Variants in MCF2L2 observed in about 807,000 individuals in gnomAD.
MCF2L2 encodes the protein probable guanine nucleotide exchange factor MCF2L2.
A neutral mutation model predicts 150.2 loss-of-function variants in MCF2L2; 102 were observed. The ratio of observed to expected loss-of-function variants is 0.68; its 90% CI spans 0.58 to 0.80. MCF2L2 has a LOEUF of 0.80. MCF2L2 is among the 30% of genes least tolerant of loss of function. The pLI is 0.00. For missense variants in MCF2L2, 1,256 were observed against 1,372.8 expected (o/e 0.91, Z 1.34); for synonymous variants, 465 against 491.3 (o/e 0.95, Z 0.71).
chr3:183,380,069 G>A (rs1713427584), intron 2 of MCF2L2, among the ~76,000 whole-genome samples: 1 of 152,066 alleles, frequency 6.6e-6, no homozygotes, highest in Non-Finnish European at 1.5e-5. Flanking sequence ...TTACAAGGAA[G>A]CAATAATCAG....
chr3:183,278,939 C>T (rs1727321000), intron 14 of MCF2L2, among the ~76,000 whole-genome samples: 1 of 152,130 alleles, frequency 6.6e-6, no homozygotes. Flanking sequence ...TGTCAGATGG[C>T]TGGTGTGGAG....
chr3:183,221,528 G>A (rs564881739), intron 20 of MCF2L2, among the ~76,000 whole-genome samples: 6 of 152,232 alleles, frequency 3.9e-5, no homozygotes, highest in Admixed American at 1.3e-4. Context: ...AGCCCTCTGC[G>A]TCTGGTACCG....
intron 15 of MCF2L2, among the ~76,000 whole-genome samples, chr3:183,238,399 A>T (rs1723839049): frequency 6.6e-6 from 1 of 151,866 alleles, no homozygotes; most frequent in South Asian, 2.1e-4. Context: ...GGTTCAAGCA[A>T]TTCCCCTGCC....
chr3:183,211,150 G>A (rs532600791), intron 22 of MCF2L2, among the ~76,000 whole-genome samples: 3 of 152,280 alleles, frequency 2.0e-5, no homozygotes, highest in African/African-American at 7.2e-5. Flanking sequence ...GGTAAGAGGG[G>A]GGGCGAGCAG....
At chr3:183,360,103 C>T (rs1455418229) in intron 3 of MCF2L2, among the ~76,000 whole-genome samples, 1 of 152,086 alleles carries the variant, frequency 6.6e-6, no homozygotes, top group Non-Finnish European at 1.5e-5. Context: ...GAAAAACGTG[C>T]CTAGAAGACA....
chr3:183,425,434 C>G (rs1423218777), intron 1 of MCF2L2, among the ~76,000 whole-genome samples: 2 of 150,292 alleles, frequency 1.3e-5, no homozygotes. Flanking sequence ...AAGCACCTCT[C>G]AAACCTTCCC....
At chr3:183,201,263 G>A (rs1287351903) in intron 25 of MCF2L2, among the ~76,000 whole-genome samples, 8 of 152,196 alleles carry the variant, frequency 5.3e-5, no homozygotes, top group African/African-American at 1.9e-4. Flanking sequence ...CATGAGCATG[G>A]AATGTTCTTC....
At chr3:183,222,299 C>T (rs1723176414) in intron 20 of MCF2L2, among the ~76,000 whole-genome samples, 1 of 152,152 alleles carries the variant, frequency 6.6e-6, no homozygotes, top group African/African-American at 2.4e-5. Context: ...ATACTGTAAT[C>T]CCAGCACTTT....
chr3:183,256,223 G>T (rs891973324), intron 15 of MCF2L2, among the ~76,000 whole-genome samples: 1 of 152,124 alleles, frequency 6.6e-6, no homozygotes, highest in South Asian at 2.1e-4. Flanking sequence ...GGAATTCATT[G>T]TATCTGTGTT....
At chr3:183,309,567 C>G in intron 10 of MCF2L2, 149 bp downstream of exon 10, 1 of 909,836 alleles carries the variant, frequency 1.1e-6, no homozygotes, top group Non-Finnish European at 1.7e-6. Context: ...TGTTAATGTG[C>G]CTCTCTCCTT....
intron 1 of MCF2L2, among the ~76,000 whole-genome samples, chr3:183,406,303 A>G (rs948329733): frequency 2.0e-5 from 3 of 152,182 alleles, no homozygotes; most frequent in Admixed American, 6.5e-5. Context: ...TTCACTGATG[A>G]CTACTGATAT....
At chr3:183,356,976 A>G (rs186370760) in intron 3 of MCF2L2, among the ~76,000 whole-genome samples, 68 of 152,378 alleles carry the variant, frequency 4.5e-4, no homozygotes, top group African/African-American at 1.6e-3. Flanking sequence ...ATGATGCTAG[A>G]ACCTAAAAAT....
In MCF2L2 at chr3:183,341,597, A is replaced by G; in HGVS notation, c.309T>C (p.Val103=). The G allele has an allele frequency of 6.2e-7, 1 of 1,614,166 alleles. No individual in the cohort carries two copies. The highest frequency in any genetic ancestry group is 1.7e-5 in the Admixed American group (1 of 60,028). ...TCCACTTGTCTCTTCGTCTGTCGAT[A>G]ACAACAATGAATCCAATGCTGGCAG... The part of the protein sequence containing the change: ...VEAASIGFIV[V]IDRRRDKWSS... The change falls in exon 4 of 30, where the codon GTT becomes GTC. Residue 103 remains valine, a synonymous_variant. Transcript: ENST00000328913.
intron 22 of MCF2L2, among the ~76,000 whole-genome samples, chr3:183,214,845 A>T (rs75199177): frequency 6.6e-6 from 1 of 151,402 alleles, no homozygotes; most frequent in Admixed American, 6.6e-5. Flanking sequence ...AAAAAAAAAA[A>T]TTAGCAAGGT....
chr3:183,241,611 C>G (rs1184254453), intron 15 of MCF2L2, among the ~76,000 whole-genome samples: 1 of 152,224 alleles, frequency 6.6e-6, no homozygotes, highest in African/African-American at 2.4e-5. Flanking sequence ...GCCTCCCCAG[C>G]TATGTGGAAC....
chr3:183,291,538 AG>A (rs1282724087), intron 13 of MCF2L2, among the ~76,000 whole-genome samples: 1 of 152,258 alleles, frequency 6.6e-6, no homozygotes, highest in Non-Finnish European at 1.5e-5. Context: ...GTTGTAGCCA[AG>A]GCATCCAGCT....
chr3:183,404,736 G>A (rs1282801841), intron 1 of MCF2L2, among the ~76,000 whole-genome samples: 5 of 152,096 alleles, frequency 3.3e-5, no homozygotes, highest in African/African-American at 7.2e-5. Flanking sequence ...GGTGGTGGGC[G>A]CCTGTAATCC....
At chr3:183,386,900 T>A (rs1560051949) in intron 2 of MCF2L2, among the ~76,000 whole-genome samples, 1 of 152,188 alleles carries the variant, frequency 6.6e-6, no homozygotes, top group Non-Finnish European at 1.5e-5. Context: ...CTGCCGCTAT[T>A]CTTGCAGACT....
At chr3:183,313,232 A>AACACACACACACAC (rs111694523) in intron 7 of MCF2L2, among the ~76,000 whole-genome samples, 5 of 149,304 alleles carry the variant, frequency 3.3e-5, no homozygotes, top group African/African-American at 1.2e-4. Context: ...AGCTTCCAGC[A>AACACACACACACAC]ACACACACAC....
Sources: allele counts gnomAD v4.1 joint callset (sites outside exome capture counted in the v4.1 genomes callset), GRCh38; gene constraint gnomAD v4.1.1; transcripts MANE v1.5; gene names NCBI Gene and HGNC (gene_info 2026-07-23, HGNC 2026-07-21).